The following PLA2G4A variants were observed in gnomAD, a reference collection of about 807,000 sequenced individuals.
The protein encoded by PLA2G4A is cytosolic phospholipase A2.
PLA2G4A carries 40 observed loss-of-function variants against 81.9 expected under a neutral mutation model. The observed-to-expected ratio is 0.49, with a 90% CI of 0.38 to 0.64. The LOEUF is 0.64. Among genes scored for constraint, PLA2G4A ranks in the 30% least tolerant of loss-of-function variants. The probability of loss-of-function intolerance (pLI) is 0.00; values close to 1 mark genes in which losing one functional copy is unlikely to be tolerated. For synonymous variants in PLA2G4A, 302 were observed against 296.9 expected (o/e 1.02, Z -0.18); for missense variants, 715 against 905.1 (o/e 0.79, Z 2.69).
intron 10 of PLA2G4A, among the ~76,000 whole-genome samples, chr1:186,942,771 G>A (rs1426620982): frequency 3.3e-5 from 5 of 152,132 alleles, no homozygotes. Context: ...TATTCAGTTA[G>A]TAGTCTTTGG....
intron 8 of PLA2G4A, among the ~76,000 whole-genome samples, chr1:186,937,871 G>A (rs1035349819): frequency 3.9e-5 from 6 of 152,044 alleles, no homozygotes; most frequent in South Asian, 2.1e-4. Context: ...GAAAGCCACC[G>A]TGAGTCTTCA....
intron 3 of PLA2G4A, among the ~76,000 whole-genome samples, chr1:186,881,720 A>G (rs1432753828): frequency 6.6e-6 from 1 of 152,094 alleles, no homozygotes; most frequent in African/African-American, 2.4e-5. Context: ...TTATATTACA[A>G]TCCAAATAAA....
At chr1:186,978,471 C>T (rs574191105) in intron 16 of PLA2G4A, among the ~76,000 whole-genome samples, 1 of 152,138 alleles carries the variant, frequency 6.6e-6, no homozygotes, top group Admixed American at 6.5e-5. Flanking sequence ...TGGGAATATG[C>T]TGAGAAAAAT....
At chr1:186,968,818 A>T (rs1368294303) in intron 15 of PLA2G4A, among the ~76,000 whole-genome samples, 1 of 151,840 alleles carries the variant, frequency 6.6e-6, no homozygotes, top group Admixed American at 6.6e-5. Context: ...AGCTTCATCA[A>T]TTTACATTAC....
chr1:186,893,204 T>C (rs1330708153), intron 4 of PLA2G4A, 45 bp downstream of exon 4: 2 of 1,515,084 alleles, frequency 1.3e-6, no homozygotes, highest in East Asian at 2.3e-5. Flanking sequence ...TGATTCATGT[T>C]GAGAGACATG....
At chr1:186,855,144 C>T (rs746140809) in intron 2 of PLA2G4A, among the ~76,000 whole-genome samples, 8 of 151,882 alleles carry the variant, frequency 5.3e-5, no homozygotes, top group Non-Finnish European at 1.2e-4. Context: ...TTTGTAATGT[C>T]TTCTTCCTGT....
In PLA2G4A at chr1:186,919,915, G is replaced by A. The variant is rs143200955; in HGVS notation, c.558+8526G>A. Among the ~76,000 whole-genome samples the A allele has an allele frequency of 6.8e-3, 1,030 of 152,268 alleles. 7 individuals are homozygous for A. Among genetic ancestry groups the A allele is most frequent in the Middle Eastern group, 0.014 (4 of 294 alleles). ...GGGGGTGTTCCATGGAGACTGGCAA[G>A]GAACTATAATTCCATAGGCTTTCAA... On this transcript the variant is annotated intron_variant, in intron 7 of 17. Coordinates refer to ENST00000367466, the MANE Select transcript of PLA2G4A (RefSeq NM_024420.3).
intron 10 of PLA2G4A, among the ~76,000 whole-genome samples, 184 bp from the exon 11 acceptor site, chr1:186,946,453 G>A (rs984386989): frequency 1.6e-4 from 24 of 151,916 alleles, no homozygotes; most frequent in African/African-American, 5.3e-4. Flanking sequence ...ACCTCTAAGC[G>A]TTTTTCCCCC....
intron 3 of PLA2G4A, among the ~76,000 whole-genome samples, chr1:186,877,974 A>C (rs1331988514): frequency 6.7e-6 from 1 of 150,292 alleles, no homozygotes; most frequent in Non-Finnish European, 1.5e-5. Context: ...AAATTTTACA[A>C]CACCTTTGAG....
At chr1:186,863,614 A>G (rs1170094500) in intron 2 of PLA2G4A, among the ~76,000 whole-genome samples, 2 of 151,992 alleles carry the variant, frequency 1.3e-5, no homozygotes, top group African/African-American at 2.4e-5. Flanking sequence ...TTACCCGTTT[A>G]CCATTCTCTC....
chr1:186,867,536 G>A (rs571064285), intron 2 of PLA2G4A, among the ~76,000 whole-genome samples: 18 of 152,048 alleles, frequency 1.2e-4, no homozygotes, highest in African/African-American at 4.3e-4. Flanking sequence ...TGACTTTTGT[G>A]TATTAATCTT....
At chr1:186,902,558 A>G (rs935246726) in intron 5 of PLA2G4A, among the ~76,000 whole-genome samples, 1 of 151,968 alleles carries the variant, frequency 6.6e-6, no homozygotes, top group Non-Finnish European at 1.5e-5. Flanking sequence ...TGTTTTTCTT[A>G]TTAATTGCAC....
chr1:186,978,705 C>T (rs1248514819), intron 16 of PLA2G4A, among the ~76,000 whole-genome samples: 1 of 152,142 alleles, frequency 6.6e-6, no homozygotes, highest in African/African-American at 2.4e-5. Flanking sequence ...ATAAAGACAG[C>T]CACATAATGT....
rs958330662 is a variant in PLA2G4A, at chr1:186,893,259, G to A, written c.264+100G>A. ...TGCCTTTTTGTTCCTGTTAGCTATA[G>A]TTGGAGTTAGACTGGGCAGCTTGGT... is the stretch of plus-strand genomic sequence containing the variant. On this transcript the variant is annotated intron_variant, in intron 4 of 17. Coordinates refer to ENST00000367466, the MANE Select transcript of PLA2G4A (RefSeq NM_024420.3). The A allele has an allele frequency of 3.1e-5, 31 of 1,004,654 alleles. No homozygotes were observed. In the South Asian group the frequency reaches 3.8e-4, roughly 12 times the overall value. The allele number at this position is 1,004,654 out of a possible 1,614,324, so 62.2% of individuals were successfully genotyped here.
intron 7 of PLA2G4A, among the ~76,000 whole-genome samples, chr1:186,916,137 A>T (rs1558434135): frequency 6.7e-6 from 1 of 149,322 alleles, no homozygotes; most frequent in Non-Finnish European, 1.5e-5. Context: ...CATCATAGAA[A>T]GTTTGAAACA....
intron 17 of PLA2G4A, among the ~76,000 whole-genome samples, chr1:186,985,063 T>A (rs10489410): frequency 6.6e-6 from 1 of 152,170 alleles, no homozygotes; most frequent in South Asian, 2.1e-4. Context: ...GCCTTATTTC[T>A]TAGTGTTCCC....
Position 186,891,363 on chromosome 1 carries a change from T to A in PLA2G4A, c.116-1648T>A, listed in dbSNP as rs1474622801. On this transcript the variant is annotated intron_variant, in intron 3 of 17. Transcript: ENST00000367466. Reference sequence around the variant, plus strand: ...ACAATTAGGTTATTATTGACTATCGTCACCCTGTTGTGTTATCAAATAGCA... The same window carrying A: ...ACAATTAGGTTATTATTGACTATCGACACCCTGTTGTGTTATCAAATAGCA... Among the ~76,000 whole-genome samples the A allele has an allele frequency of 6.6e-5, 10 of 152,202 alleles. No individual in the cohort carries two copies. The East Asian group carries it at 1.9e-3, about 29-fold the overall frequency.
chr1:186,952,006 A>C (rs2102245356), intron 13 of PLA2G4A, among the ~76,000 whole-genome samples: 1 of 152,298 alleles, frequency 6.6e-6, no homozygotes, highest in South Asian at 2.1e-4. Flanking sequence ...GAAGCAAGCA[A>C]GTCTTCATCC....
chr1:186,829,464 C>T (rs562540268), intron 1 of PLA2G4A, among the ~76,000 whole-genome samples: 2 of 152,284 alleles, frequency 1.3e-5, no homozygotes, highest in East Asian at 1.9e-4. Flanking sequence ...ACTCACTTAA[C>T]TTTTAATTTC....
Sources: gnomAD v4.1 joint callset for allele counts (sites outside exome capture counted in the v4.1 genomes callset) on GRCh38, gnomAD v4.1.1 for gene constraint, MANE v1.5 for transcripts, NCBI Gene and HGNC (gene_info 2026-07-23, HGNC 2026-07-21) for gene names.